HIVEP2: variants seen among roughly 807,000 people sequenced by gnomAD.
HIVEP2 encodes transcription factor HIVEP2.
HIVEP2 carries 14 observed loss-of-function variants against 180.7 expected under a neutral mutation model. The observed-to-expected ratio is 0.08, with a 90% CI of 0.05 to 0.12. HIVEP2 has a LOEUF of 0.12. Among genes scored for constraint, HIVEP2 ranks in the 10% least tolerant of loss-of-function variants. HIVEP2 has a pLI of 1.00. For missense variants in HIVEP2, 2,579 were observed against 3,008.5 expected (o/e 0.86, Z 3.34); for synonymous variants, 1,184 against 1,136.4 (o/e 1.04, Z -0.84).
At chr6:142,866,624 G>A (rs1776145211) in intron 1 of HIVEP2, among the ~76,000 whole-genome samples, 1 of 152,102 alleles carries the variant, frequency 6.6e-6, no homozygotes, top group Non-Finnish European at 1.5e-5. Flanking sequence ...CTCTTTATAA[G>A]GCAGAATAGT....
intron 2 of HIVEP2, among the ~76,000 whole-genome samples, chr6:142,821,246 G>A (rs1777028154): frequency 6.6e-6 from 1 of 151,816 alleles, no homozygotes; most frequent in African/African-American, 2.4e-5. Context: ...AGCAGACTGG[G>A]AAGAGTTCCT....
Position 142,753,179 on chromosome 6 carries a change from G to A in HIVEP2, c.7269C>T (p.His2423=), listed in dbSNP as rs1011590423. 1.2e-6 allele frequency: 2 copies of A among 1,613,792 alleles called. No homozygotes were observed. Among genetic ancestry groups the A allele is most frequent in the Non-Finnish European group, 1.7e-6 (2 of 1,179,754 alleles). Reference sequence around the variant, plus strand: ...TGCTTGAAGATAATTCCTTGCTGCTGTGAAAGTCCAACTGCTTGTCATCCA... The same window carrying A: ...TGCTTGAAGATAATTCCTTGCTGCTATGAAAGTCCAACTGCTTGTCATCCA... The part of the protein sequence containing the change: ...SCVDDKQLDF[H]SSKELSSSTE... The change falls in exon 10 of 10, where the codon CAC becomes CAT. Residue 2423 remains histidine (H), a synonymous_variant. Transcript: ENST00000367603.
intron 2 of HIVEP2, among the ~76,000 whole-genome samples, chr6:142,823,186 C>T (rs1777087026): frequency 6.6e-6 from 1 of 152,176 alleles, no homozygotes; most frequent in South Asian, 2.1e-4. Context: ...CAGTTGCCCC[C>T]ACAGACAGCA....
chr6:142,862,705 CTATA>C (rs545612574), intron 1 of HIVEP2, among the ~76,000 whole-genome samples: 65 of 138,336 alleles, frequency 4.7e-4, no homozygotes, highest in African/African-American at 1.7e-3. Flanking sequence ...ATATATGTAA[CTATA>C]TATTATACAT....
chr6:142,860,660 A>G (rs915100680), intron 1 of HIVEP2, among the ~76,000 whole-genome samples: 3 of 152,128 alleles, frequency 2.0e-5, no homozygotes, highest in African/African-American at 7.2e-5. Flanking sequence ...AGTTCACAAT[A>G]GGGTTCACGC....
In HIVEP2 at chr6:142,761,579, CA is replaced by C. The variant is rs3830758; in HGVS notation, c.5519-15del. 6.6e-3 allele frequency: 9,180 copies of C among 1,397,394 alleles called. 503 individuals carry two copies. The Admixed American group carries it at 0.12, about 18-fold the overall frequency. The allele number at this position is 1,397,394 out of a possible 1,614,324, so 86.6% of individuals were successfully genotyped here. A position where few individuals can be genotyped will look rare whatever the true frequency, so the allele number is the denominator to read the frequency against. Reference sequence around the variant, plus strand: ...TCGTTAGGTTTCCTTGAAAATGTAGCAAAAAAAAGAGAGAAATTAATTGGTT... The same window carrying C: ...TCGTTAGGTTTCCTTGAAAATGTAGCAAAAAAAGAGAGAAATTAATTGGTT... On this transcript the variant is annotated splice_polypyrimidine_tract_variant and intron_variant, in intron 7 of 9. Transcript: ENST00000367603.
At position 142,753,040 on chromosome 6, in the gene HIVEP2, C is replaced by A. The variant is rs184870965; in HGVS notation, c.*67G>T. ...GGCATGCTATAAACTGGATTACCTC[C>A]ATTTCTAGAAAAACAAAAACAAAAA... On this transcript the variant is annotated 3_prime_UTR_variant, in exon 10 of 10. Transcript: ENST00000367603. 270 of 948,074 alleles carry A rather than the reference C, an allele frequency of 2.8e-4. 2 individuals carry two copies. The East Asian group carries it at 6.4e-3, about 22-fold the overall frequency. 58.7% of individuals were successfully genotyped at this position (948,074 alleles called of 1,614,324 possible).
chr6:142,755,380 G>A (rs113836517), intron 9 of HIVEP2, among the ~76,000 whole-genome samples: 69 of 152,304 alleles, frequency 4.5e-4, no homozygotes, highest in African/African-American at 1.5e-3. Context: ...GAAAAGGCAC[G>A]TCTCCTTCAT....
At chr6:142,900,678 T>A (rs1304481951) in intron 1 of HIVEP2, among the ~76,000 whole-genome samples, 1 of 152,200 alleles carries the variant, frequency 6.6e-6, no homozygotes, top group Non-Finnish European at 1.5e-5. Flanking sequence ...TTGCCTCTTC[T>A]GGCTTCCTTT....
intron 1 of HIVEP2, among the ~76,000 whole-genome samples, chr6:142,864,492 G>C (rs1582923982): frequency 1.3e-5 from 2 of 152,206 alleles, no homozygotes; most frequent in East Asian, 3.9e-4. Context: ...TTGTGACTTA[G>C]CGAAAAATAA....
At chr6:142,913,912 CAAGT>C (rs1306536162) in intron 1 of HIVEP2, among the ~76,000 whole-genome samples, 4 of 152,124 alleles carry the variant, frequency 2.6e-5, no homozygotes, top group Non-Finnish European at 4.4e-5. Context: ...TCACCAGCAG[CAAGT>C]TGCACGTTTG....
At chr6:142,891,268 AC>A (rs1366605084) in intron 1 of HIVEP2, among the ~76,000 whole-genome samples, 1 of 152,072 alleles carries the variant, frequency 6.6e-6, no homozygotes, top group Non-Finnish European at 1.5e-5. Flanking sequence ...CTGTTCTTGT[AC>A]TCAAGGAATT....
chr6:142,769,387 A>T (rs1775461781), intron 5 of HIVEP2, among the ~76,000 whole-genome samples, 165 bp downstream of exon 5: 1 of 152,172 alleles, frequency 6.6e-6, no homozygotes, highest in Non-Finnish European at 1.5e-5. Flanking sequence ...AAGTGCAGTC[A>T]GTGGCTTCTT....
chr6:142,860,615 T>A (rs970136840), intron 1 of HIVEP2, among the ~76,000 whole-genome samples: 7 of 152,164 alleles, frequency 4.6e-5, no homozygotes, highest in Non-Finnish European at 1.0e-4. Context: ...CATTAGATTC[T>A]CTTTGGGCAA....
At chr6:142,795,931 T>C (rs1273184424) in intron 2 of HIVEP2, among the ~76,000 whole-genome samples, 1 of 152,074 alleles carries the variant, frequency 6.6e-6, no homozygotes, top group Non-Finnish European at 1.5e-5. Context: ...CGTGGGTGAA[T>C]CCCTGTTGGA....
In HIVEP2 at chr6:142,877,674, A is replaced by T. The variant is rs1224767526; in HGVS notation, c.-640-40627T>A. Among the ~76,000 whole-genome samples, 11 of 152,194 alleles carry T rather than the reference A, an allele frequency of 7.2e-5. No individual in the cohort carries two copies. In the East Asian group the frequency reaches 2.1e-3, roughly 29 times the overall value. On this transcript the variant is annotated intron_variant, in intron 1 of 9. Coordinates refer to ENST00000367603, the MANE Select transcript of HIVEP2 (RefSeq NM_006734.4). ...GCAGTTGAGCCCTTCATACTCCTAA[A>T]CTATATCTTTACTGACCTTTTAATT...
intron 9 of HIVEP2, among the ~76,000 whole-genome samples, chr6:142,754,423 C>A (rs1775011026): frequency 6.6e-6 from 1 of 151,964 alleles, no homozygotes; most frequent in Non-Finnish European, 1.5e-5. Flanking sequence ...ATTGGAATGA[C>A]AAGTCTGAAA....
chr6:142,861,924 G>A (rs903897664), intron 1 of HIVEP2, among the ~76,000 whole-genome samples: 1 of 152,260 alleles, frequency 6.6e-6, no homozygotes, highest in African/African-American at 2.4e-5. Context: ...ACAGCTGCAG[G>A]AAGATGGGGG....
chr6:142,770,884 T>C lies in HIVEP2; in HGVS notation c.3855A>G (p.Ala1285=). 6.2e-7 allele frequency: 1 copy of C among 1,614,240 alleles called. No individual in the cohort carries two copies. Among genetic ancestry groups the C allele is most frequent in the Non-Finnish European group, 8.5e-7 (1 of 1,180,034 alleles). ...KEQTYPCYSG[A]SGLHPKNLLP... Reference sequence around the variant, plus strand: ...GAAGGTTCTTTGGGTGTAGCCCTGATGCTCCTGAATAACATGGGTAGGTCT... The same window carrying C: ...GAAGGTTCTTTGGGTGTAGCCCTGACGCTCCTGAATAACATGGGTAGGTCT... The change falls in exon 5 of 10, where the codon GCA becomes GCG. Residue 1285 remains alanine, a synonymous_variant. Coordinates refer to ENST00000367603, the MANE Select transcript of HIVEP2 (RefSeq NM_006734.4). The surrounding 1 kb of genome is among the most constrained non-coding windows in gnomAD (Gnocchi z 4.7).
Sources: allele counts gnomAD v4.1 joint callset (sites outside exome capture counted in the v4.1 genomes callset), GRCh38; gene constraint gnomAD v4.1.1; non-coding constraint Gnocchi (gnomAD v3.1); transcripts MANE v1.5; gene names NCBI Gene and HGNC (gene_info 2026-07-23, HGNC 2026-07-21).